KIAA0319L: variants seen among roughly 807,000 people sequenced by gnomAD.
KIAA0319L encodes the protein dyslexia-associated protein KIAA0319-like protein.
In KIAA0319L, 55 loss-of-function variants were observed where a neutral mutation model predicts 120.1. The ratio of observed to expected loss-of-function variants is 0.46; its 90% CI spans 0.37 to 0.57. The LOEUF (loss-of-function observed/expected upper bound fraction) is 0.57. Among genes scored for constraint, KIAA0319L ranks in the 20% least tolerant of loss-of-function variants. The probability of loss-of-function intolerance (pLI) is 0.00; values close to 1 mark genes in which losing one functional copy is unlikely to be tolerated. For missense variants in KIAA0319L, 1,049 were observed against 1,255.3 expected, an observed-to-expected ratio of 0.84 and a Z score of 2.48; for synonymous variants, 398 against 471.9, an observed-to-expected ratio of 0.84 and a Z score of 2.03.
Position 35,435,023 on chromosome 1 carries a change from C to A in KIAA0319L, c.3021G>T (p.Leu1007=), listed in dbSNP as rs2149063698. 1 of 1,614,208 alleles carries A rather than the reference C, an allele frequency of 6.2e-7. No individual in the cohort carries two copies. The highest frequency in any genetic ancestry group is 1.3e-5 in the African/African-American group (1 of 75,038). ...SSSLMHSESE[L]DSDDAIFTWP... ...ATGTAAAGATGGCATCATCGCTGTC[C>A]AGCTCTGACTCGGAGTGCATCAGGC... The change falls in exon 21 of 21, where the codon CTG becomes CTT. Residue 1007 remains leucine (L), a synonymous_variant. Coordinates refer to ENST00000325722, the MANE Select transcript of KIAA0319L (RefSeq NM_024874.5).
intron 8 of KIAA0319L, among the ~76,000 whole-genome samples, chr1:35,462,055 A>G (rs1326349024): frequency 2.0e-5 from 3 of 152,226 alleles, no homozygotes; most frequent in Non-Finnish European, 4.4e-5. Context: ...CTCTTGCACC[A>G]TACAGCCACA....
intron 3 of KIAA0319L, among the ~76,000 whole-genome samples, chr1:35,492,524 A>T (rs1221719544): frequency 6.6e-6 from 1 of 151,652 alleles, no homozygotes; most frequent in Admixed American, 6.6e-5. Flanking sequence ...AAAAAATAAT[A>T]AATTAATTAA....
chr1:35,466,547 C>CT, intron 7 of KIAA0319L, 61 bp downstream of exon 7: 3 of 1,110,582 alleles, frequency 2.7e-6, no homozygotes, highest in Non-Finnish European at 4.1e-6. Context: ...AATCAAATCT[C>CT]TATCTCCTCA....
In KIAA0319L at chr1:35,524,835, T is replaced by C. The variant is rs542210529; in HGVS notation, c.143-17700A>G. Among the ~76,000 whole-genome samples the C allele has an allele frequency of 3.9e-5, 6 of 152,358 alleles. No individual in the cohort carries two copies. In the South Asian group the frequency reaches 8.3e-4, roughly 21 times the overall value. ...TCACCACAAGCATTTATCATTCCTA[T>C]GTTTTAAGAACATTTCAAGGCCTCA... On this transcript the variant is annotated intron_variant, in intron 2 of 20. Transcript: ENST00000325722.
At chr1:35,492,577 G>A (rs1460929516) in intron 3 of KIAA0319L, among the ~76,000 whole-genome samples, 1 of 151,848 alleles carries the variant, frequency 6.6e-6, no homozygotes, top group Non-Finnish European at 1.5e-5. Flanking sequence ...GTTTACTCCA[G>A]GAATGTAAGG....
chr1:35,442,426 A>T, intron 18 of KIAA0319L, 90 bp from the exon 19 acceptor site: 1 of 944,720 alleles, frequency 1.1e-6, no homozygotes, highest in Non-Finnish European at 1.7e-6. Flanking sequence ...GTGTGGCTTC[A>T]CTCTGGAGAC....
At chr1:35,480,779 T>C (rs1169697460) in intron 3 of KIAA0319L, among the ~76,000 whole-genome samples, 1 of 151,480 alleles carries the variant, frequency 6.6e-6, no homozygotes, top group African/African-American at 2.4e-5. Context: ...AGTGAAACTC[T>C]TGTCTCAAAA....
intron 3 of KIAA0319L, among the ~76,000 whole-genome samples, chr1:35,486,109 G>A (rs1483240458): frequency 6.6e-6 from 1 of 152,202 alleles, no homozygotes; most frequent in Non-Finnish European, 1.5e-5. Flanking sequence ...TAAATTCTTA[G>A]GCTGGGGTGT....
At chr1:35,517,234 A>C (rs1645719734) in intron 2 of KIAA0319L, among the ~76,000 whole-genome samples, 1 of 152,198 alleles carries the variant, frequency 6.6e-6, no homozygotes, top group African/African-American at 2.4e-5. Flanking sequence ...TATGGAACTA[A>C]AAAAGAGCCC....
At chr1:35,514,323 G>A (rs1420976816) in intron 2 of KIAA0319L, among the ~76,000 whole-genome samples, 1 of 149,736 alleles carries the variant, frequency 6.7e-6, no homozygotes, top group African/African-American at 2.5e-5. Flanking sequence ...AAACATTTAC[G>A]AACATTTACT....
At chr1:35,550,920 G>A (rs1237258685) in intron 2 of KIAA0319L, among the ~76,000 whole-genome samples, 1 of 152,092 alleles carries the variant, frequency 6.6e-6, no homozygotes, top group East Asian at 1.9e-4. Flanking sequence ...ATGTGGAGAT[G>A]CAAAGATTTC....
At chr1:35,462,044 C>T (rs74066345) in intron 8 of KIAA0319L, among the ~76,000 whole-genome samples, 8 of 152,228 alleles carry the variant, frequency 5.3e-5, no homozygotes, top group African/African-American at 1.9e-4. Context: ...AGGTCTGAAA[C>T]CTCTTGCACC....
chr1:35,441,429 C>T (rs1184980195), intron 19 of KIAA0319L, among the ~76,000 whole-genome samples: 1 of 152,062 alleles, frequency 6.6e-6, no homozygotes, highest in Non-Finnish European at 1.5e-5. Flanking sequence ...AAATCCTCTG[C>T]TTGAAGGGTG....
chr1:35,537,385 C>CTTT (rs138689877), intron 2 of KIAA0319L, among the ~76,000 whole-genome samples: 1 of 126,816 alleles, frequency 7.9e-6, no homozygotes. Flanking sequence ...CTTTCCTTTC[C>CTTT]TTTTTTTTTT....
chr1:35,514,678 C>A (rs1306164527), intron 2 of KIAA0319L, among the ~76,000 whole-genome samples: 9 of 152,186 alleles, frequency 5.9e-5, no homozygotes, highest in Admixed American at 5.9e-4. Context: ...GTCAATTCAA[C>A]AAGAAAACCT....
chr1:35,557,586 C>T, upstream of KIAA0319L: 1 of 426,154 alleles, frequency 2.3e-6, no homozygotes. Flanking sequence ...TCTCGCCGCC[C>T]GCTCTCCAGA....
chr1:35,457,887 T>C (rs1019813711), intron 9 of KIAA0319L, among the ~76,000 whole-genome samples: 1 of 152,160 alleles, frequency 6.6e-6, no homozygotes, highest in African/African-American at 2.4e-5. Context: ...TTACAGAAGT[T>C]TTGCCTCTTT....
intron 2 of KIAA0319L, among the ~76,000 whole-genome samples, chr1:35,512,858 C>T (rs887125635): frequency 9.4e-5 from 11 of 116,600 alleles, no homozygotes; most frequent in African/African-American, 4.0e-4. Context: ...GGCAACAGGA[C>T]GAGACTCCAT....
chr1:35,527,982 TCTA>T (rs1275182268), intron 2 of KIAA0319L, among the ~76,000 whole-genome samples: 5 of 152,170 alleles, frequency 3.3e-5, no homozygotes, highest in Non-Finnish European at 5.9e-5. Context: ...TTGAAATCTT[TCTA>T]CTTTTTTTGA....
Sources: allele counts gnomAD v4.1 joint callset (sites outside exome capture counted in the v4.1 genomes callset), GRCh38; gene constraint gnomAD v4.1.1; transcripts MANE v1.5; gene names NCBI Gene and HGNC (gene_info 2026-07-23, HGNC 2026-07-21).